Variants in PPP1R8 observed in about 807,000 individuals in gnomAD.
PPP1R8 encodes protein phosphatase 1 regulatory subunit 8.
Under a neutral mutation model 31.3 loss-of-function variants are expected in PPP1R8, and 4 were observed. The ratio of observed to expected loss-of-function variants is 0.13; its 90% CI spans 0.06 to 0.29. PPP1R8 has a LOEUF of 0.29. Ranked by LOEUF, PPP1R8 falls within the 10% of genes least tolerant of loss-of-function variation. The pLI is 1.00. For synonymous variants in PPP1R8, 170 were observed against 169.7 expected, an observed-to-expected ratio of 1.00 and a Z score of -0.01; for missense variants, 254 against 440.1, an observed-to-expected ratio of 0.58 and a Z score of 3.78.
rs755419469 is a variant in PPP1R8, at chr1:27,830,831, G to C, written c.-5G>C. The C allele has an allele frequency of 1.1e-5, 18 of 1,575,314 alleles. No homozygotes were observed. In the South Asian group the frequency reaches 2.1e-4, roughly 18 times the overall value. On this transcript the variant is annotated 5_prime_UTR_variant, in exon 1 of 7. Transcript: ENST00000311772. ...GGCGCGCCAAATGGGAGGGGGAGAC[G>C]CAAGATGGCGGCAGCCGCGAACTCC... is the stretch of plus-strand genomic sequence containing the variant.
chr1:27,847,206 C>T lies in PPP1R8; in HGVS notation c.702+114C>T, dbSNP rs550234343. On this transcript the variant is annotated intron_variant, in intron 6 of 6. Transcript: ENST00000311772. ...CTTTGGGAGGCTGAGGCAGGCAGATCAAGAGGTCAAGAAATCGAGGCCAGG... is the reference window on the plus strand; with the variant it reads ...CTTTGGGAGGCTGAGGCAGGCAGATTAAGAGGTCAAGAAATCGAGGCCAGG... 74 of 1,034,950 alleles carry T rather than the reference C, an allele frequency of 7.2e-5. No homozygotes were observed. The East Asian group carries it at 1.8e-3, about 25-fold the overall frequency. The allele number at this position is 1,034,950 out of a possible 1,614,324, so 64.1% of individuals were successfully genotyped here. A position where few individuals can be genotyped will look rare whatever the true frequency, so the allele number is the denominator to read the frequency against.
At chr1:27,838,646 G>A (rs1357517130) in intron 2 of PPP1R8, 53 bp from the exon 3 acceptor site, 1 of 1,223,882 alleles carries the variant, frequency 8.2e-7, no homozygotes. Flanking sequence ...AGAGTTTTTG[G>A]TAAATGCTGT....
intron 2 of PPP1R8, among the ~76,000 whole-genome samples, chr1:27,834,788 C>T (rs192411469): frequency 2.0e-5 from 3 of 152,062 alleles, no homozygotes; most frequent in African/African-American, 7.2e-5. Flanking sequence ...GAGGCCGAGG[C>T]GGGCAGATCA....
chr1:27,832,706 G>A (rs781026090), intron 1 of PPP1R8, 50 bp from the exon 2 acceptor site: 2 of 1,480,580 alleles, frequency 1.4e-6, no homozygotes, highest in Non-Finnish European at 1.9e-6. Flanking sequence ...GTTGTAAATA[G>A]CATTTATAAA....
chr1:27,848,300 G>A (rs954729028), intron 6 of PPP1R8, among the ~76,000 whole-genome samples: 18 of 152,116 alleles, frequency 1.2e-4, no homozygotes, highest in Admixed American at 3.3e-4. Flanking sequence ...AGCTACTCAG[G>A]AGGCTGAGGC....
chr1:27,850,106 A>T lies in PPP1R8; in HGVS notation c.716A>T (p.Glu239Val). The change falls in exon 7 of 7, where the codon GAG (glutamate) becomes GTG (valine). Residue 239 changes from glutamate (E) to valine (V), a missense_variant. Glu to Val is a moderately radical substitution (Grantham distance 121). Around this residue, in one of 6 missense-constraint regions of PPP1R8, gnomAD observed 105 missense variants for 128.0 expected, o/e 0.82. Transcript: ENST00000311772. ...CGTGAACTGTAGAAGAAGCGTGTGG[A>T]GGGCCCTGGCTCCCTGGGCCTGGAG... ...AVVPVKKKRVEGPGSLGLEES... is the reference protein window; with the variant it reads ...AVVPVKKKRVVGPGSLGLEES... 6.3e-7 allele frequency: 1 copy of T among 1,575,708 alleles called. No individual in the cohort carries two copies. Among genetic ancestry groups the T allele is most frequent in the Non-Finnish European group, 8.6e-7 (1 of 1,158,954 alleles).
At chr1:27,836,960 A>G (rs1338925894) in intron 2 of PPP1R8, among the ~76,000 whole-genome samples, 1 of 152,236 alleles carries the variant, frequency 6.6e-6, no homozygotes, top group Non-Finnish European at 1.5e-5. Context: ...CCTTTCCCAA[A>G]TATACATTTG....
rs78797610 is a variant in PPP1R8 at position 27,833,936 on chromosome 1, G to T, written c.117+1120G>T. 5.2e-3 allele frequency among the ~76,000 whole-genome samples: 793 copies of T among 152,280 alleles called. 6 individuals are homozygous for T. The highest frequency in any genetic ancestry group is 0.011 in the Admixed American group (165 of 15,286). ...TCATGGACTCAGCCAGTCACAGAGA[G>T]CCCCTTTGTCATGGGTTCTTCTCTC... On this transcript the variant is annotated intron_variant, in intron 2 of 6. Transcript: ENST00000311772.
chr1:27,842,281 G>A (rs1384988599), intron 4 of PPP1R8, among the ~76,000 whole-genome samples: 3 of 151,254 alleles, frequency 2.0e-5, no homozygotes, highest in African/African-American at 7.3e-5. Flanking sequence ...GGTGGAGGTT[G>A]TGGTGAGCCA....
chr1:27,839,379 T>G (rs531908597), intron 3 of PPP1R8, among the ~76,000 whole-genome samples: 2 of 151,924 alleles, frequency 1.3e-5, no homozygotes, highest in African/African-American at 4.8e-5. Context: ...AATACAAAAA[T>G]TAGCTGGGTG....
intron 5 of PPP1R8, among the ~76,000 whole-genome samples, chr1:27,846,728 T>C (rs1295197296): frequency 6.6e-6 from 1 of 152,218 alleles, no homozygotes; most frequent in Non-Finnish European, 1.5e-5. Context: ...ATCACAGGCC[T>C]GTTTTGAACT....
At chr1:27,838,210 CAA>C (rs10719467) in intron 2 of PPP1R8, among the ~76,000 whole-genome samples, 43 of 69,922 alleles carry the variant, frequency 6.1e-4, no homozygotes, top group African/African-American at 1.4e-3. Context: ...GACTCCATCT[CAA>C]AAAAAAAAAA....
intron 5 of PPP1R8, 116 bp downstream of exon 5, chr1:27,843,446 C>G: frequency 8.0e-7 from 1 of 1,252,876 alleles, no homozygotes; most frequent in Non-Finnish European, 1.1e-6. Flanking sequence ...CACTTAAGGT[C>G]AAGAGTTCAA....
chr1:27,841,349 TC>T, intron 4 of PPP1R8, 115 bp downstream of exon 4: 1 of 1,084,856 alleles, frequency 9.2e-7, no homozygotes, highest in Non-Finnish European at 1.3e-6. Flanking sequence ...TTCTCTTGAG[TC>T]CAGTAATGGG....
chr1:27,843,175 C>T lies in PPP1R8; in HGVS notation c.493-11C>T. On this transcript the variant is annotated splice_polypyrimidine_tract_variant and intron_variant, in intron 4 of 6. Coordinates refer to ENST00000311772, the MANE Select transcript of PPP1R8 (RefSeq NM_014110.5). ...CTGACTGCTGTCTTTCCTGTATGAA[C>T]CCTGGCTTAGAACCTGACAGAGTTC... 6.2e-7 allele frequency: 1 copy of T among 1,614,022 alleles called. No individual in the cohort carries two copies. The highest frequency in any genetic ancestry group is 8.5e-7 in the Non-Finnish European group (1 of 1,179,972).
At chr1:27,832,909 C>T (rs2089125293) in intron 2 of PPP1R8, 93 bp downstream of exon 2, 1 of 1,038,706 alleles carries the variant, frequency 9.6e-7, no homozygotes, top group Non-Finnish European at 1.4e-6. Flanking sequence ...GCTTTGTTTT[C>T]CAGCAATGCT....
Position 27,830,858 on chromosome 1 carries a change from G to T in PPP1R8, c.23G>T (p.Gly8Val). MAAAANS[G>V]SSLPLFDCPT... is the part of the protein sequence containing the mutation. ...AAGATGGCGGCAGCCGCGAACTCCG[G>T]CTCTAGCCTCCCGCTGTTCGACTGC... Residue 8 changes from glycine to valine, a missense_variant, in exon 1 of 7, where the codon GGC (glycine) becomes GTC (valine). This residue lies in a region of PPP1R8 where 38 missense variants were observed against 18.6 expected (regional missense o/e 2.04). Transcript: ENST00000311772. 6.3e-7 allele frequency: 1 copy of T among 1,576,164 alleles called. No individual in the cohort carries two copies.
intron 3 of PPP1R8, 98 bp downstream of exon 3, chr1:27,838,950 A>G: frequency 8.1e-7 from 1 of 1,241,096 alleles, no homozygotes. Context: ...GGAAAAAGTT[A>G]ATGTTTGGTT....
intron 4 of PPP1R8, among the ~76,000 whole-genome samples, chr1:27,841,724 G>A (rs978782332): frequency 2.6e-5 from 4 of 152,214 alleles, no homozygotes; most frequent in African/African-American, 9.7e-5. Context: ...ATTCATTCAT[G>A]TAGCTTTTTT....
Sources: gnomAD v4.1 joint callset for allele counts (sites outside exome capture counted in the v4.1 genomes callset) on GRCh38, gnomAD v4.1.1 for gene constraint, gnomAD v4.1.1 regional missense constraint, MANE v1.5 for transcripts, NCBI Gene and HGNC (gene_info 2026-07-23, HGNC 2026-07-21) for gene names.